IHO1: variants seen among roughly 807,000 people sequenced by gnomAD.
The protein encoded by IHO1 is interactor of HORMAD1 1, also known as interactor of HORMAD1 protein 1.
IHO1 carries 13 observed loss-of-function variants against 31.0 expected under a neutral mutation model. The observed-to-expected ratio is 0.42, with a 90% CI of 0.27 to 0.67. The LOEUF is 0.67. IHO1 is among the 30% of genes least tolerant of loss of function. IHO1 has a pLI of 0.24. For synonymous variants in IHO1, 221 were observed against 248.4 expected (o/e 0.89, Z 1.04); for missense variants, 599 against 687.5 (o/e 0.87, Z 1.44).
chr3:49,230,588 A>G (rs997576691), intron 2 of IHO1, among the ~76,000 whole-genome samples: 3 of 152,190 alleles, frequency 2.0e-5, no homozygotes, highest in Non-Finnish European at 4.4e-5. Flanking sequence ...TATTCATTAT[A>G]TGGATGATAT....
At chr3:49,196,042 T>C (rs946229989), upstream of IHO1, among the ~76,000 whole-genome samples, 4 of 151,344 alleles carry the variant, frequency 2.6e-5, no homozygotes, top group South Asian at 4.2e-4. Flanking sequence ...GAGAATATCC[T>C]GGCTAACACG....
intron 6 of IHO1, among the ~76,000 whole-genome samples, chr3:49,252,639 C>T (rs772980162): frequency 1.3e-5 from 2 of 152,050 alleles, no homozygotes; most frequent in African/African-American, 4.8e-5. Context: ...CCAGGCTGGT[C>T]TAGAACTCCT....
At chr3:49,214,632 A>ATTTTT (rs3083884) in intron 2 of IHO1, among the ~76,000 whole-genome samples, 7 of 5,188 alleles carry the variant, frequency 1.3e-3, no homozygotes, top group African/African-American at 2.0e-3. Context: ...ATATATATAT[A>ATTTTT]TTTTTTTTTT....
the IHO1 span, chr3:49,192,002 G>A: frequency 3.4e-6 from 2 of 590,158 alleles, no homozygotes; most frequent in Non-Finnish European, 6.0e-6. Flanking sequence ...TTAACAGCCT[G>A]AAGAGCCCTT....
intron 2 of IHO1, chr3:49,214,039 C>T (rs752375429): frequency 2.0e-5 from 6 of 305,350 alleles, no homozygotes; most frequent in South Asian, 1.5e-4. Context: ...TCTTCTGTAT[C>T]TGCTGTATCT....
intron 1 of IHO1, among the ~76,000 whole-genome samples, chr3:49,205,766 ATTT>A (rs71627374): frequency 2.6e-5 from 3 of 115,326 alleles, no homozygotes; most frequent in Admixed American, 9.8e-5. Context: ...CGCCTGGGCA[ATTT>A]TTTTTTTTTT....
chr3:49,249,973 A>G (rs1444524307), intron 6 of IHO1, among the ~76,000 whole-genome samples: 1 of 152,256 alleles, frequency 6.6e-6, no homozygotes, highest in Non-Finnish European at 1.5e-5. Flanking sequence ...AATAAAAACA[A>G]ATTGTTTAAA....
chr3:49,203,884 G>A (rs965264463), intron 1 of IHO1, among the ~76,000 whole-genome samples: 1 of 152,200 alleles, frequency 6.6e-6, no homozygotes, highest in Non-Finnish European at 1.5e-5. Context: ...AGATGGAAGT[G>A]TCCTTAAATA....
chr3:49,206,444 G>C (rs1281127291), intron 1 of IHO1, among the ~76,000 whole-genome samples: 1 of 150,092 alleles, frequency 6.7e-6, no homozygotes, highest in Admixed American at 6.7e-5. Context: ...TGGCCAGGCT[G>C]GTCTCGAACT....
intron 2 of IHO1, among the ~76,000 whole-genome samples, chr3:49,228,597 G>A (rs932586779): frequency 6.6e-6 from 1 of 152,194 alleles, no homozygotes; most frequent in East Asian, 1.9e-4. Flanking sequence ...CAGGAATGAA[G>A]CTGTGGACCT....
chr3:49,244,143 C>A (rs1327949901), intron 4 of IHO1, among the ~76,000 whole-genome samples: 1 of 151,708 alleles, frequency 6.6e-6, no homozygotes. Flanking sequence ...TTAGTAGAGA[C>A]GGGGTTTCAC....
chr3:49,202,385 G>A (rs2046080626), intron 1 of IHO1, among the ~76,000 whole-genome samples: 1 of 149,282 alleles, frequency 6.7e-6, no homozygotes, highest in Admixed American at 6.7e-5. Context: ...GAGTGCAGTG[G>A]CGCGATCTCT....
At chr3:49,203,876 A>T (rs1477802630) in intron 1 of IHO1, among the ~76,000 whole-genome samples, 1 of 152,210 alleles carries the variant, frequency 6.6e-6, no homozygotes, top group East Asian at 1.9e-4. Context: ...CACCTGGAAG[A>T]TGGAAGTGTC....
intron 6 of IHO1, chr3:49,252,339 C>T (rs998869935): frequency 6.5e-6 from 1 of 153,388 alleles, no homozygotes; most frequent in African/African-American, 2.4e-5. Flanking sequence ...TGGGGTGGCA[C>T]AGCCCTGGAC....
At chr3:49,248,817 T>C (rs2046727025) in intron 6 of IHO1, among the ~76,000 whole-genome samples, 1 of 152,168 alleles carries the variant, frequency 6.6e-6, no homozygotes, top group Non-Finnish European at 1.5e-5. Flanking sequence ...TGAGCACAAG[T>C]AGCCTATCCA....
intron 6 of IHO1, among the ~76,000 whole-genome samples, chr3:49,246,366 C>G (rs938441754): frequency 1.3e-5 from 2 of 151,782 alleles, no homozygotes; most frequent in South Asian, 4.1e-4. Flanking sequence ...CTGGGTGGGC[C>G]GGGCACAGTG....
At chr3:49,206,482 G>A (rs933870161) in intron 1 of IHO1, among the ~76,000 whole-genome samples, 3 of 151,960 alleles carry the variant, frequency 2.0e-5, no homozygotes, top group Non-Finnish European at 4.4e-5. Context: ...CACCCACCTC[G>A]GCCTCCCAAA....
At chr3:49,192,805 A>T in the IHO1 span, among the ~76,000 whole-genome samples, 2 of 152,098 alleles carry the variant, frequency 1.3e-5, no homozygotes, top group East Asian at 3.9e-4. Context: ...CTGAAGTGGG[A>T]GGATTGCCTG....
In IHO1 at chr3:49,241,207, T is replaced by C. The variant is rs1457345794; in HGVS notation, c.232-19T>C. ...ATATTTTTATGTGTGAAATGCTATA[T>C]ATTTTTTTCATTTAACAGGGTGAAC... is the stretch of plus-strand genomic sequence containing the variant. On this transcript the variant is annotated intron_variant, in intron 3 of 7. Coordinates refer to ENST00000452691, the MANE Select transcript of IHO1 (RefSeq NM_001135197.2). 5 of 1,573,036 alleles carry C rather than the reference T, an allele frequency of 3.2e-6. No individual in the cohort carries two copies. The African/African-American group carries it at 6.9e-5, about 22-fold the overall frequency.
Sources: allele counts gnomAD v4.1 joint callset (sites outside exome capture counted in the v4.1 genomes callset), GRCh38; gene constraint gnomAD v4.1.1; transcripts MANE v1.5; gene names NCBI Gene and HGNC (gene_info 2026-07-23, HGNC 2026-07-21).